The following NFKBIA variants were observed in gnomAD, a reference collection of about 807,000 sequenced individuals.
The protein encoded by NFKBIA is NF-kappa-B inhibitor alpha.
Under a neutral mutation model 36.3 loss-of-function variants are expected in NFKBIA, and 10 were observed. The observed-to-expected ratio is 0.28, with a 90% CI of 0.17 to 0.47. The LOEUF (loss-of-function observed/expected upper bound fraction) is 0.47. Among genes scored for constraint, NFKBIA ranks in the 20% least tolerant of loss-of-function variants. NFKBIA has a pLI of 0.99. For synonymous variants in NFKBIA, 205 were observed against 164.4 expected (o/e 1.25, Z -1.89); for missense variants, 355 against 399.3 (o/e 0.89, Z 0.94).
rs1459510148 is a variant in NFKBIA, at chr14:35,403,782, T to C, written c.244A>G (p.Ile82Val). 1.2e-6 allele frequency: 2 copies of C among 1,613,700 alleles called. No individual in the cohort carries two copies. The highest frequency in any genetic ancestry group is 1.3e-5 in the African/African-American group (1 of 75,012). ...GTCAGTGCCTTTTCTTCATGGATGATGGCCAAGTGCAGGAACCTGTGGGGA... is the reference window on the plus strand; with the variant it reads ...GTCAGTGCCTTTTCTTCATGGATGACGGCCAAGTGCAGGAACCTGTGGGGA... ...EDGDSFLHLAIIHEEKALTME... is the reference protein window; with the variant it reads ...EDGDSFLHLAVIHEEKALTME... Residue 82 changes from isoleucine to valine, a missense_variant, in exon 2 of 6, where the codon ATC becomes GTC. Physicochemically the swap from Ile to Val is conservative, Grantham distance 29. Transcript: ENST00000216797.
chr14:35,403,268 T>G lies in NFKBIA; in HGVS notation c.429A>C (p.Arg143=). The G allele has an allele frequency of 1.2e-6, 2 of 1,613,686 alleles. No individual in the cohort carries two copies. Among genetic ancestry groups the G allele is most frequent in the Non-Finnish European group, 1.7e-6 (2 of 1,180,018 alleles). Reference sequence around the variant, plus strand: ...AGGCAAGGTGTAGGGGGGTATTTCCTCGAAAGTCTCGGAGCTCAGGATCAC... The same window carrying G: ...AGGCAAGGTGTAGGGGGGTATTTCCGCGAAAGTCTCGGAGCTCAGGATCAC... ...AGCDPELRDF[R]GNTPLHLACE... is the part of the protein sequence containing the mutation. The change falls in exon 3 of 6, where the codon CGA becomes CGC. Residue 143 remains arginine, a synonymous_variant. Coordinates refer to ENST00000216797, the MANE Select transcript of NFKBIA (RefSeq NM_020529.3).
In NFKBIA at chr14:35,402,862, G is replaced by A. The variant is rs2233418; in HGVS notation, c.548-3C>T. 11,446 of 1,613,370 alleles carry A rather than the reference G, an allele frequency of 7.1e-3. 65 individuals are homozygous for A. Among genetic ancestry groups the A allele is most frequent in the Non-Finnish European group, 8.4e-3 (9,909 of 1,179,720 alleles). On this transcript the variant is annotated splice_polypyrimidine_tract_variant and splice_region_variant and intron_variant, in intron 3 of 5. Coordinates refer to ENST00000216797, the MANE Select transcript of NFKBIA (RefSeq NM_020529.3). The stretch of plus-strand genomic sequence containing the variant: ...GGCTAAGTGTAGACACGTGTGGCCT[G>A]GAAGAACAAAAGGAAAAAAGTATAA...
At chr14:35,404,089 C>T (rs533172763) in intron 1 of NFKBIA, 1 of 451,086 alleles carries the variant, frequency 2.2e-6, no homozygotes, top group African/African-American at 2.1e-5. Flanking sequence ...CGGCCAGAAA[C>T]TCCCGCCCCG....
chr14:35,404,455 C>T lies in NFKBIA; in HGVS notation c.190G>A (p.Glu64Lys). The change falls in exon 1 of 6, where the codon GAG (glutamate) becomes AAG (lysine). Residue 64 changes from glutamate (E) to lysine (K), a missense_variant. By Grantham distance (56) the Glu-to-Lys change is moderately conservative. Coordinates refer to ENST00000216797, the MANE Select transcript of NFKBIA (RefSeq NM_020529.3). ...TCGGTGAGCTGCTGCTTCCAGGGCT[C>T]CGAGCCGCGCGGCACCTCCTGCGGC... is the stretch of plus-strand genomic sequence containing the variant. ...LEPQEVPRGS[E>K]PWKQQLTEDG... The T allele has an allele frequency of 1.3e-6, 2 of 1,594,026 alleles. No homozygotes were observed. The highest frequency in any genetic ancestry group is 1.7e-6 in the Non-Finnish European group (2 of 1,170,726).
chr14:35,403,708 G>T lies in NFKBIA; in HGVS notation c.318C>A (p.Phe106Leu). ...GGCGCACCTGCTGCAGGTTGTTCTGGAAGTTGAGGAAGGCCAGGTCTCCCT... is the reference window on the plus strand; with the variant it reads ...GGCGCACCTGCTGCAGGTTGTTCTGTAAGTTGAGGAAGGCCAGGTCTCCCT... The part of the protein sequence containing the change: ...QVKGDLAFLN[F>L]QNNLQQTPLH... The change falls in exon 2 of 6, where the codon TTC becomes TTA. Residue 106 changes from phenylalanine to leucine, a missense_variant. By Grantham distance (22) the Phe-to-Leu change is conservative. Transcript: ENST00000216797. 1 of 1,613,696 alleles carries T rather than the reference G, an allele frequency of 6.2e-7. No individual in the cohort carries two copies. Among genetic ancestry groups the T allele is most frequent in the Non-Finnish European group, 8.5e-7 (1 of 1,179,712 alleles).
At position 35,404,162 on chromosome 14, in the gene NFKBIA, C is replaced by CT. The variant is rs11569597; in HGVS notation, c.227+255dup. 7.3e-4 allele frequency: 242 copies of CT among 330,546 alleles called. 5 individuals carry two copies. The highest frequency in any genetic ancestry group is 7.1e-3 in the South Asian group (216 of 30,488). 20.5% of individuals were successfully genotyped at this position (330,546 alleles called of 1,614,324 possible). On this transcript the variant is annotated intron_variant, in intron 1 of 5. Transcript: ENST00000216797. The stretch of plus-strand genomic sequence containing the variant: ...CCCGCCCCCGGCCTAGAGGACGGGT[C>CT]TGGGGGGAGGGGGCGTGTGGCGACG...
At chr14:35,403,908 G>A (rs1026477371) in intron 1 of NFKBIA, 110 bp from the exon 2 acceptor site, 22 of 795,898 alleles carry the variant, frequency 2.8e-5, no homozygotes, top group Non-Finnish European at 4.5e-5. Context: ...GGAGGCCGAG[G>A]CCGCGGTGTT....
At chr14:35,403,650 C>T (rs761384565) in intron 2 of NFKBIA, 40 bp downstream of exon 2, 5 of 1,445,726 alleles carry the variant, frequency 3.5e-6, no homozygotes, top group Non-Finnish European at 3.9e-6. Context: ...TCAGCTACGT[C>T]CCAGGGTCAG....
At chr14:35,403,110 C>A (rs769757023) in intron 3 of NFKBIA, 40 bp downstream of exon 3, 4 of 1,596,216 alleles carry the variant, frequency 2.5e-6, no homozygotes, top group Non-Finnish European at 1.7e-6. Context: ...ACGTCACCTG[C>A]CCTCCGAGGG....
intron 3 of NFKBIA, 119 bp from the exon 4 acceptor site, chr14:35,402,978 C>A: frequency 7.9e-7 from 1 of 1,270,970 alleles, no homozygotes. Context: ...AGTCTGGGTT[C>A]TGAAAGAACT....
At chr14:35,403,847 G>T in intron 1 of NFKBIA, 49 bp from the exon 2 acceptor site, 1 of 1,410,108 alleles carries the variant, frequency 7.1e-7, no homozygotes, top group Non-Finnish European at 1.0e-6. Flanking sequence ...TGCACCGCGT[G>T]GGGCCCAGGG....
chr14:35,402,341 T>C, intron 5 of NFKBIA, 53 bp downstream of exon 5: 4 of 1,607,426 alleles, frequency 2.5e-6, no homozygotes, highest in South Asian at 1.1e-5. Context: ...CCTGGGAGGG[T>C]GAAGGGAATG....
intron 2 of NFKBIA, 41 bp from the exon 3 acceptor site, chr14:35,403,401 C>A: frequency 6.2e-7 from 1 of 1,601,838 alleles, no homozygotes; most frequent in South Asian, 1.1e-5. Flanking sequence ...AGCCATGGAC[C>A]AAACCCACAC....
chr14:35,401,942 C>CT lies in NFKBIA; in HGVS notation c.*70dup. The CT allele has an allele frequency of 6.4e-7, 1 of 1,572,630 alleles. No individual in the cohort carries two copies. Among genetic ancestry groups the CT allele is most frequent in the African/African-American group, 1.4e-5 (1 of 73,600 alleles). On this transcript the variant is annotated 3_prime_UTR_variant, in exon 6 of 6. Transcript: ENST00000216797. ...CCCTTTAAATTTTTTCTTCTTTTTT[C>CT]TTTTTTTAGAAAAATAAAACTTTTT...
chr14:35,404,045 G>A (rs1366099776), intron 1 of NFKBIA: 2 of 536,314 alleles, frequency 3.7e-6, no homozygotes, highest in Non-Finnish European at 6.7e-6. Context: ...GGAACGCCCT[G>A]TACTTCCCCT....
Position 35,401,883 on chromosome 14 carries a change from G to A in NFKBIA, c.*130C>T, listed in dbSNP as rs564770241. 1.8e-4 allele frequency: 179 copies of A among 1,009,018 alleles called. 1 individual carries two copies. In the African/African-American group the frequency reaches 2.2e-3, roughly 13 times the overall value. 62.5% of individuals were successfully genotyped at this position (1,009,018 alleles called of 1,614,324 possible). A position where few individuals can be genotyped will look rare whatever the true frequency, so the allele number is the denominator to read the frequency against. ...TGATCCTACCACAATAAGACGTTTT[G>A]GGCCAGGCAGTGTGCAGTGTGGATA... On this transcript the variant is annotated 3_prime_UTR_variant, in exon 6 of 6. Transcript: ENST00000216797.
At chr14:35,403,068 A>T in intron 3 of NFKBIA, 82 bp downstream of exon 3, 2 of 1,483,948 alleles carry the variant, frequency 1.3e-6, no homozygotes, top group Non-Finnish European at 1.9e-6. Context: ...TCTTGCCTGG[A>T]CTCCTTAAGT....
At position 35,403,685 on chromosome 14, in the gene NFKBIA, C is replaced by A. The variant is rs1206257180; in HGVS notation, c.336+5G>T. ...GAGAGAACCCGGGCCAGGCAAGCGG[C>A]GCACCTGCTGCAGGTTGTTCTGGAA... On this transcript the variant is annotated splice_donor_5th_base_variant and intron_variant, in intron 2 of 5. Transcript: ENST00000216797. The A allele has an allele frequency of 1.9e-6, 3 of 1,606,014 alleles. No individual in the cohort carries two copies. Among genetic ancestry groups the A allele is most frequent in the African/African-American group, 2.7e-5 (2 of 74,816 alleles).
At chr14:35,403,414 C>T in intron 2 of NFKBIA, 54 bp from the exon 3 acceptor site, 1 of 1,587,304 alleles carries the variant, frequency 6.3e-7, no homozygotes, top group South Asian at 1.1e-5. Flanking sequence ...ACCCACACCC[C>T]GAGTTCCCCT....
Sources: allele counts gnomAD v4.1 joint callset, GRCh38; gene constraint gnomAD v4.1.1; transcripts MANE v1.5; gene names NCBI Gene and HGNC (gene_info 2026-07-23, HGNC 2026-07-21).